NMRAL1: variants seen among roughly 807,000 people sequenced by gnomAD.
The protein encoded by NMRAL1 is nmrA-like family domain-containing protein 1.
In NMRAL1, 32 loss-of-function variants were observed where a neutral mutation model predicts 27.5. The ratio of observed to expected loss-of-function variants is 1.16; its 90% CI spans 0.88 to 1.56. The LOEUF is 1.56. Ranked by LOEUF, NMRAL1 falls within the 40% of genes most tolerant of loss-of-function variation. The pLI is 0.00. For missense variants in NMRAL1, 420 were observed against 392.0 expected (o/e 1.07, Z -0.60); for synonymous variants, 166 against 166.8 (o/e 1.00, Z 0.04).
rs971372538 is a variant in NMRAL1, at chr16:4,463,656, C to T, written c.720+4G>A. 3.1e-6 allele frequency: 5 copies of T among 1,612,652 alleles called. No individual in the cohort carries two copies. In the South Asian group the frequency reaches 5.5e-5, roughly 18 times the overall value. The stretch of plus-strand genomic sequence containing the variant: ...GCCTGAGTCACCTGGGGCGGGAGGC[C>T]CACCTTGGCATCGTGCACGACCTTG... On this transcript the variant is annotated splice_donor_region_variant and intron_variant, in intron 5 of 5. Coordinates refer to ENST00000283429, the MANE Select transcript of NMRAL1 (RefSeq NM_020677.6).
chr16:4,465,713 G>C (rs1308864312), intron 4 of NMRAL1, among the ~76,000 whole-genome samples: 3 of 151,852 alleles, frequency 2.0e-5, no homozygotes, highest in African/African-American at 7.3e-5. Context: ...AGTACAGGTG[G>C]GTGGCACCAC....
rs183656522 is a variant in NMRAL1, at chr16:4,466,575, G to A, written c.280-173C>T. The A allele has an allele frequency of 4.7e-4, 296 of 631,728 alleles. 6 individuals carry two copies. In the African/African-American group the frequency reaches 4.7e-3, roughly 10 times the overall value. The allele number at this position is 631,728 out of a possible 1,614,324, so 39.1% of individuals were successfully genotyped here. A position where few individuals can be genotyped will look rare whatever the true frequency, so the allele number is the denominator to read the frequency against. On this transcript the variant is annotated intron_variant, in intron 3 of 5. Transcript: ENST00000283429. ...GAATGATGTTCACACATGACACCAC[G>A]CCCGTAAACACAGCCCCGGAAGCCT...
chr16:4,466,002 G>A (rs1183545650), intron 4 of NMRAL1, 151 bp downstream of exon 4: 11 of 865,998 alleles, frequency 1.3e-5, no homozygotes, highest in Non-Finnish European at 1.9e-5. Flanking sequence ...CTGAGGCCCC[G>A]CAAGCTGACA....
intron 2 of NMRAL1, 156 bp from the exon 3 acceptor site, chr16:4,469,621 T>C (rs1567358519): frequency 1.4e-6 from 2 of 1,435,852 alleles, no homozygotes; most frequent in Non-Finnish European, 1.8e-6. Context: ...CTTTATTTTA[T>C]TTTTTTGAGA....
At chr16:4,467,659 G>A (rs904304362) in intron 3 of NMRAL1, among the ~76,000 whole-genome samples, 2 of 150,070 alleles carry the variant, frequency 1.3e-5, no homozygotes, top group Non-Finnish European at 3.0e-5. Context: ...TAGCTCTGTC[G>A]CTCAGGCCGG....
chr16:4,465,015 C>T (rs960596444), intron 4 of NMRAL1, among the ~76,000 whole-genome samples: 4 of 151,982 alleles, frequency 2.6e-5, no homozygotes, highest in African/African-American at 9.7e-5. Flanking sequence ...TCAAGCGATT[C>T]TTCTGCCTCA....
intron 5 of NMRAL1, among the ~76,000 whole-genome samples, chr16:4,462,791 A>G (rs1046980886): frequency 1.3e-5 from 2 of 150,536 alleles, no homozygotes; most frequent in African/African-American, 2.4e-5. Flanking sequence ...CCAAAGTGCT[A>G]GGATTACAGG....
Position 4,474,156 on chromosome 16 carries a change from G to A in NMRAL1, c.-24C>T, listed in dbSNP as rs765322998. 17 of 1,608,144 alleles carry A rather than the reference G, an allele frequency of 1.1e-5. No individual in the cohort carries two copies. Among genetic ancestry groups the A allele is most frequent in the Non-Finnish European group, 1.4e-5 (16 of 1,176,676 alleles). On this transcript the variant is annotated 5_prime_UTR_variant, in exon 2 of 6. Coordinates refer to ENST00000283429, the MANE Select transcript of NMRAL1 (RefSeq NM_020677.6). The stretch of plus-strand genomic sequence containing the variant: ...ATGAGGACGAGAATGGGACGAATCC[G>A]GTCCAGAGATCTGGGGGTAATGGGA...
chr16:4,463,692 T>C lies in NMRAL1; in HGVS notation c.688A>G (p.Lys230Glu), dbSNP rs767966409. 2 of 1,613,986 alleles carry C rather than the reference T, an allele frequency of 1.2e-6. No homozygotes were observed. Among genetic ancestry groups the C allele is most frequent in the Admixed American group, 1.7e-5 (1 of 60,020 alleles). Residue 230 changes from lysine to glutamate, a missense_variant, in exon 5 of 6, where the codon AAG becomes GAG. By Grantham distance (56) the Lys-to-Glu change is moderately conservative. Transcript: ENST00000283429. ...TCGTGCACGACCTTGCGGGTGTGCTTGGTGAGCAGGGCAGCGTACTCCTCG... is the reference window on the plus strand; with the variant it reads ...TCGTGCACGACCTTGCGGGTGTGCTCGGTGAGCAGGGCAGCGTACTCCTCG... ...TAEEYAALLT[K>E]HTRKVVHDAK...
intron 4 of NMRAL1, among the ~76,000 whole-genome samples, 178 bp downstream of exon 4, chr16:4,465,975 T>A (rs1217461242): frequency 2.6e-5 from 4 of 152,142 alleles, no homozygotes; most frequent in African/African-American, 7.2e-5. Context: ...ATAGAGCCCA[T>A]CTCACAGAAC....
intron 3 of NMRAL1, among the ~76,000 whole-genome samples, chr16:4,468,065 C>T (rs1350618240): frequency 6.6e-6 from 1 of 151,752 alleles, no homozygotes; most frequent in Non-Finnish European, 1.5e-5. Context: ...TTTGGGAGGC[C>T]GAGGCAGGCG....
At chr16:4,472,326 C>A (rs929776501) in intron 2 of NMRAL1, among the ~76,000 whole-genome samples, 1 of 151,978 alleles carries the variant, frequency 6.6e-6, no homozygotes, top group African/African-American at 2.4e-5. Flanking sequence ...CCTGTAATCC[C>A]AGCTACTTGG....
chr16:4,466,274 C>T lies in NMRAL1; in HGVS notation c.408G>A (p.Val136=). The T allele has an allele frequency of 2.5e-6, 4 of 1,614,092 alleles. No individual in the cohort carries two copies. The highest frequency in any genetic ancestry group is 3.4e-6 in the Non-Finnish European group (4 of 1,180,030). Residue 136 remains valine (V), a synonymous_variant, in exon 4 of 6, where the codon GTG becomes GTA. Coordinates refer to ENST00000283429, the MANE Select transcript of NMRAL1 (RefSeq NM_020677.6). ...AAAHFDGKGE[V]EEYFRDIGVP... ...CGCCAATGTCCCGGAAATATTCCTCCACCTCCCCTTTGCCGTCAAAGTGCG... is the reference window on the plus strand; with the variant it reads ...CGCCAATGTCCCGGAAATATTCCTCTACCTCCCCTTTGCCGTCAAAGTGCG...
chr16:4,469,643 T>C (rs1245379008), intron 2 of NMRAL1, 178 bp from the exon 3 acceptor site: 1 of 1,289,956 alleles, frequency 7.8e-7, no homozygotes, highest in African/African-American at 1.5e-5. Context: ...GGAGTCTCAC[T>C]CTATCACCCA....
intron 2 of NMRAL1, among the ~76,000 whole-genome samples, chr16:4,472,313 A>G (rs562894630): frequency 6.6e-6 from 1 of 151,976 alleles, no homozygotes; most frequent in East Asian, 1.9e-4. Flanking sequence ...GTGGTGGTGC[A>G]CACCTGTAAT....
rs763001414 is a variant in NMRAL1, at chr16:4,466,346, G to A, written c.336C>T (p.Ser112=). 22 of 1,613,586 alleles carry A rather than the reference G, an allele frequency of 1.4e-5. No individual in the cohort carries two copies. Among genetic ancestry groups the A allele is most frequent in the South Asian group, 8.8e-5 (8 of 91,066 alleles). Residue 112 remains serine, a synonymous_variant, in exon 4 of 6, where the codon AGC becomes AGT. Coordinates refer to ENST00000283429, the MANE Select transcript of NMRAL1 (RefSeq NM_020677.6). ...RRLGLHYVVY[S]GLENIKKLTA... is the part of the protein sequence containing the mutation. ...TCAGCTTCTTGATGTTCTCCAGGCC[G>A]CTGTAGACCACATAGTGGAGGCCCA...
chr16:4,462,009 G>C, intron 5 of NMRAL1, 50 bp from the exon 6 acceptor site: 1 of 1,525,120 alleles, frequency 6.6e-7, no homozygotes, highest in Non-Finnish European at 8.9e-7. Context: ...TGCCCCGGGA[G>C]GTGGCGGGGC....
chr16:4,463,605 G>C (rs530569225), intron 5 of NMRAL1, 55 bp downstream of exon 5: 5 of 1,553,878 alleles, frequency 3.2e-6, no homozygotes, highest in Non-Finnish European at 4.4e-6. Flanking sequence ...CCCTCCCTAC[G>C]GGAGCTAGAA....
At chr16:4,466,991 C>G (rs554730499) in intron 3 of NMRAL1, 1 of 154,300 alleles carries the variant, frequency 6.5e-6, no homozygotes, top group African/African-American at 2.4e-5. Context: ...TGACCTTATT[C>G]GGAAAAAGGG....
Sources: allele counts gnomAD v4.1 joint callset (sites outside exome capture counted in the v4.1 genomes callset), GRCh38; gene constraint gnomAD v4.1.1; transcripts MANE v1.5; gene names NCBI Gene and HGNC (gene_info 2026-07-23, HGNC 2026-07-21).